The following DPP9 variants were observed in gnomAD, a reference collection of about 807,000 sequenced individuals.
DPP9 encodes dipeptidyl peptidase 9.
In DPP9, 50 loss-of-function variants were observed where a neutral mutation model predicts 110.7. That is an observed-to-expected ratio of 0.45 (90% CI 0.36 to 0.57). DPP9 has a LOEUF of 0.57. DPP9 is among the 20% of genes least tolerant of loss of function. The pLI is 0.00. For missense variants in DPP9, 1,022 were observed against 1,217.9 expected, an observed-to-expected ratio of 0.84 and a Z score of 2.39; for synonymous variants, 561 against 514.4, an observed-to-expected ratio of 1.09 and a Z score of -1.23.
chr19:4,691,670 CTT>C (rs1006998596), intron 13 of DPP9, among the ~76,000 whole-genome samples: 5 of 95,086 alleles, frequency 5.3e-5, no homozygotes, highest in African/African-American at 1.3e-4. Flanking sequence ...TAAAACCAGA[CTT>C]TTTTTTTTTT....
In DPP9 at chr19:4,676,305, C is replaced by T. The variant is rs2088825412; in HGVS notation, c.*259G>A. On this transcript the variant is annotated 3_prime_UTR_variant, in exon 22 of 22. Transcript: ENST00000262960. This position sits in a 1 kb window ranked among gnomAD's most constrained non-coding sequence, Gnocchi z 4.0. ...CGTGTGACCTCCTCCTCCCAGAAGG[C>T]GGGGAGAGGAGGGGCTGGCCCGAGA... 1 of 515,848 alleles carries T rather than the reference C, an allele frequency of 1.9e-6. No homozygotes were observed. The highest frequency in any genetic ancestry group is 3.5e-6 in the Non-Finnish European group (1 of 282,566). 32.0% of individuals were successfully genotyped at this position (515,848 alleles called of 1,614,324 possible). A position where few individuals can be genotyped will look rare whatever the true frequency, so the allele number is the denominator to read the frequency against.
chr19:4,700,342 G>T lies in DPP9; in HGVS notation c.1013-65C>A. 1.4e-6 allele frequency: 2 copies of T among 1,394,290 alleles called. No individual in the cohort carries two copies. Among genetic ancestry groups the T allele is most frequent in the East Asian group, 2.5e-5 (1 of 40,076 alleles). The allele number at this position is 1,394,290 out of a possible 1,614,324, so 86.4% of individuals were successfully genotyped here. On this transcript the variant is annotated intron_variant, in intron 9 of 21. Transcript: ENST00000262960. The surrounding 1 kb of genome is among the most constrained non-coding windows in gnomAD (Gnocchi z 4.3). ...ACCCGTGTGTGCCGAGAGCCGGCAC[G>T]GGGGGCCTGGGCTGTGGGGTGACGT...
Position 4,685,667 on chromosome 19 carries a change from T to G in DPP9, c.1990A>C (p.Lys664Gln). The G allele has an allele frequency of 6.2e-7, 1 of 1,612,584 alleles. No homozygotes were observed. The highest frequency in any genetic ancestry group is 1.1e-5 in the South Asian group (1 of 90,756). ...IYKPHALQPGKKHPTVLFVYG... is the reference protein window; with the variant it reads ...IYKPHALQPGQKHPTVLFVYG... ...ACAAAGAGGACGGTGGGGTGCTTCT[T>G]CCCTGGCTGCAAGGCGTGGGGCTTG... The change falls in exon 17 of 22, where the codon AAG becomes CAG. Residue 664 changes from lysine (K) to glutamine (Q), a missense_variant. Lys to Gln is a moderately conservative substitution (Grantham distance 53). Coordinates refer to ENST00000262960, the MANE Select transcript of DPP9 (RefSeq NM_139159.5). This position sits in a 1 kb window ranked among gnomAD's most constrained non-coding sequence, Gnocchi z 5.8.
rs887726368 is a variant in DPP9, at chr19:4,700,085, G to A, written c.1074+131C>T. 8 of 612,980 alleles carry A rather than the reference G, an allele frequency of 1.3e-5. No homozygotes were observed. Among genetic ancestry groups the A allele is most frequent in the African/African-American group, 7.7e-5 (4 of 52,260 alleles). 38.0% of individuals were successfully genotyped at this position (612,980 alleles called of 1,614,324 possible). A position where few individuals can be genotyped will look rare whatever the true frequency, so the allele number is the denominator to read the frequency against. On this transcript the variant is annotated intron_variant, in intron 10 of 21. Transcript: ENST00000262960. This position sits in a 1 kb window ranked among gnomAD's most constrained non-coding sequence, Gnocchi z 4.3. ...GGGAAGGCCTGTGGCTAGGCGGACCGGGCGGCAGGGCTGGGGCCTGGGGAG... is the reference window on the plus strand; with the variant it reads ...GGGAAGGCCTGTGGCTAGGCGGACCAGGCGGCAGGGCTGGGGCCTGGGGAG...
Position 4,700,071 on chromosome 19 carries a change from T to C in DPP9, c.1074+145A>G. 1 of 533,528 alleles carries C rather than the reference T, an allele frequency of 1.9e-6. No individual in the cohort carries two copies. Among genetic ancestry groups the C allele is most frequent in the East Asian group, 3.4e-5 (1 of 29,350 alleles). The allele number at this position is 533,528 out of a possible 1,614,324, so 33.0% of individuals were successfully genotyped here. The stretch of plus-strand genomic sequence containing the variant: ...TCCAGAGACACACAGGGAAGGCCTG[T>C]GGCTAGGCGGACCGGGCGGCAGGGC... On this transcript the variant is annotated intron_variant, in intron 10 of 21. Coordinates refer to ENST00000262960, the MANE Select transcript of DPP9 (RefSeq NM_139159.5). The surrounding 1 kb of genome is among the most constrained non-coding windows in gnomAD (Gnocchi z 4.3).
chr19:4,710,600 C>T lies in DPP9; in HGVS notation c.313+3481G>A, dbSNP rs2092787260. On this transcript the variant is annotated intron_variant, in intron 4 of 21. Transcript: ENST00000262960. This position sits in a 1 kb window ranked among gnomAD's most constrained non-coding sequence, Gnocchi z 5.6. Reference sequence around the variant, plus strand: ...GGGCCCAGTGATTAGCTCCACATGCCCCACAGCAAACCTGGTGCCTGCTGA... The same window carrying T: ...GGGCCCAGTGATTAGCTCCACATGCTCCACAGCAAACCTGGTGCCTGCTGA... Among the ~76,000 whole-genome samples, 1 of 152,192 alleles carries T rather than the reference C, an allele frequency of 6.6e-6. No individual in the cohort carries two copies. Among genetic ancestry groups the T allele is most frequent in the Non-Finnish European group, 1.5e-5 (1 of 68,038 alleles).
intron 16 of DPP9, among the ~76,000 whole-genome samples, chr19:4,686,395 C>A (rs1049764601): frequency 2.0e-5 from 3 of 150,594 alleles, no homozygotes; most frequent in African/African-American, 7.4e-5. Context: ...TCTTGGTTCA[C>A]GGCAACTTGC....
chr19:4,704,225 G>A lies in DPP9; in HGVS notation c.506C>T (p.Thr169Ile), dbSNP rs755021190. 1.2e-6 allele frequency: 2 copies of A among 1,614,024 alleles called. No individual in the cohort carries two copies. The change falls in exon 6 of 22, where the codon ACC becomes ATC. Residue 169 changes from threonine to isoleucine, a missense_variant. Physicochemically the swap from Thr to Ile is moderately conservative, Grantham distance 89. This residue lies in a region of DPP9 where 810 missense variants were observed against 920.6 expected (regional missense o/e 0.88). Transcript: ENST00000262960. The surrounding 1 kb of genome is among the most constrained non-coding windows in gnomAD (Gnocchi z 6.0). Reference protein sequence around the residue: ...ERKRLGVFGITSYDFHSESGL... With the variant: ...ERKRLGVFGIISYDFHSESGL... ...ACTCTCGCTGTGGAAGTCGTAGGAGGTGATGCCGAAGACCCCCAGGCGTTT... is the reference window on the plus strand; with the variant it reads ...ACTCTCGCTGTGGAAGTCGTAGGAGATGATGCCGAAGACCCCCAGGCGTTT...
In DPP9 at chr19:4,704,102, C is replaced by A. The variant is rs2092450451; in HGVS notation, c.600+29G>T. ...CAGGGGGAGGGGCCCTCCACGCCAC[C>A]CCCGCACACAGCCAGGGCCAGGGCT... On this transcript the variant is annotated intron_variant, in intron 6 of 21. Transcript: ENST00000262960. This position sits in a 1 kb window ranked among gnomAD's most constrained non-coding sequence, Gnocchi z 6.0. 6.2e-7 allele frequency: 1 copy of A among 1,613,648 alleles called. No individual in the cohort carries two copies. The highest frequency in any genetic ancestry group is 8.5e-7 in the Non-Finnish European group (1 of 1,179,782).
chr19:4,721,060 C>A (rs1045951022), intron 2 of DPP9, among the ~76,000 whole-genome samples: 3 of 152,016 alleles, frequency 2.0e-5, no homozygotes, highest in African/African-American at 7.2e-5. Context: ...CTGGGGATAA[C>A]CGGCCCCCCC....
intron 4 of DPP9, among the ~76,000 whole-genome samples, chr19:4,712,971 C>T (rs2092904446): frequency 6.6e-6 from 1 of 152,224 alleles, no homozygotes; most frequent in African/African-American, 2.4e-5. Flanking sequence ...AGGACACCAC[C>T]ATGAGTCCCA....
At chr19:4,702,257 C>T (rs981184005) in intron 8 of DPP9, 102 bp from the exon 9 acceptor site, 45 of 1,440,596 alleles carry the variant, frequency 3.1e-5, no homozygotes, top group African/African-American at 2.6e-4. Flanking sequence ...AGATGGGCAC[C>T]GAGGGCTCTG....
At position 4,694,861 on chromosome 19, in the gene DPP9, T is replaced by C; in HGVS notation, c.1354-38A>G. 1 of 1,606,946 alleles carries C rather than the reference T, an allele frequency of 6.2e-7. No homozygotes were observed. Among genetic ancestry groups the C allele is most frequent in the Non-Finnish European group, 8.5e-7 (1 of 1,176,116 alleles). ...CAGATAGAAGATGCGTCAGAAGGTG[T>C]GGGTGGCCGGGCATGGTGGCTCACA... On this transcript the variant is annotated intron_variant, in intron 12 of 21. Coordinates refer to ENST00000262960, the MANE Select transcript of DPP9 (RefSeq NM_139159.5). The surrounding 1 kb of genome is among the most constrained non-coding windows in gnomAD (Gnocchi z 4.0).
rs779328766 is a variant in DPP9, at chr19:4,685,585, G to A, written c.2031+41C>T. The A allele has an allele frequency of 9.6e-5, 151 of 1,570,378 alleles. No individual in the cohort carries two copies. Among genetic ancestry groups the A allele is most frequent in the Non-Finnish European group, 1.3e-4 (148 of 1,157,500 alleles). Reference sequence around the variant, plus strand: ...GAGTGGGGATGGGGAGTCCTCGGGTGGATGGTGGGGTGGGGGCCTGGGGAG... The same window carrying A: ...GAGTGGGGATGGGGAGTCCTCGGGTAGATGGTGGGGTGGGGGCCTGGGGAG... On this transcript the variant is annotated intron_variant, in intron 17 of 21. Coordinates refer to ENST00000262960, the MANE Select transcript of DPP9 (RefSeq NM_139159.5). This position sits in a 1 kb window ranked among gnomAD's most constrained non-coding sequence, Gnocchi z 5.8.
Position 4,683,843 on chromosome 19 carries a change from G to A in DPP9, c.2179-214C>T, listed in dbSNP as rs1276385382. ...CATCTTGCTCTGCCACCTCCCAGGT[G>A]AGTGGCTCTGGGAGCCACGTCCCCT... On this transcript the variant is annotated intron_variant, in intron 18 of 21. Coordinates refer to ENST00000262960, the MANE Select transcript of DPP9 (RefSeq NM_139159.5). 3 of 1,530,362 alleles carry A rather than the reference G, an allele frequency of 2.0e-6. No homozygotes were observed. The Admixed American group carries it at 5.9e-5, about 30-fold the overall frequency. 94.8% of individuals were successfully genotyped at this position (1,530,362 alleles called of 1,614,324 possible).
In DPP9 at chr19:4,676,367, G is replaced by A; in HGVS notation, c.*197C>T. 1 of 590,678 alleles carries A rather than the reference G, an allele frequency of 1.7e-6. No homozygotes were observed. The highest frequency in any genetic ancestry group is 1.9e-5 in the African/African-American group (1 of 53,746). 36.6% of individuals were successfully genotyped at this position (590,678 alleles called of 1,614,324 possible). The stretch of plus-strand genomic sequence containing the variant: ...CTGTCTCGGCAACCAAGAAGCAGCG[G>A]ACATAAAACCCAAGAGCGTTTAAAA... On this transcript the variant is annotated 3_prime_UTR_variant, in exon 22 of 22. Transcript: ENST00000262960. This position sits in a 1 kb window ranked among gnomAD's most constrained non-coding sequence, Gnocchi z 4.0.
In DPP9 at chr19:4,685,747, G is replaced by A. The variant is rs1330628792; in HGVS notation, c.1910C>T (p.Pro637Leu). 1 of 1,613,366 alleles carries A rather than the reference G, an allele frequency of 6.2e-7. No individual in the cohort carries two copies. The highest frequency in any genetic ancestry group is 8.5e-7 in the Non-Finnish European group (1 of 1,179,834). ...GCGCGTGTGGAAATGGAAGATCTCT[G>A]GAGGAACATAATCCGGGGGGCAGCC... Reference protein sequence around the residue: ...AASCPPDYVPPEIFHFHTRSD... With the variant: ...AASCPPDYVPLEIFHFHTRSD... The change falls in exon 17 of 22, where the codon CCA (proline) becomes CTA (leucine). Residue 637 changes from proline (P) to leucine (L), a missense_variant. Coordinates refer to ENST00000262960, the MANE Select transcript of DPP9 (RefSeq NM_139159.5). The surrounding 1 kb of genome is among the most constrained non-coding windows in gnomAD (Gnocchi z 5.8).
intron 16 of DPP9, 186 bp downstream of exon 16, chr19:4,688,570 CT>C: frequency 2.7e-6 from 2 of 750,312 alleles, no homozygotes; most frequent in Non-Finnish European, 3.8e-6. Flanking sequence ...CCAGGACCGT[CT>C]CGGACGGCAG....
intron 13 of DPP9, among the ~76,000 whole-genome samples, chr19:4,692,951 G>A (rs372903892): frequency 2.6e-5 from 4 of 152,144 alleles, no homozygotes; most frequent in Non-Finnish European, 5.9e-5. Flanking sequence ...ACTCAGCTCC[G>A]TGGCAGCCTA....
Sources: allele counts gnomAD v4.1 joint callset (sites outside exome capture counted in the v4.1 genomes callset), GRCh38; gene constraint gnomAD v4.1.1; regional missense constraint gnomAD v4.1.1; non-coding constraint Gnocchi (gnomAD v3.1); transcripts MANE v1.5; gene names NCBI Gene and HGNC (gene_info 2026-07-23, HGNC 2026-07-21).